Variants in WDR27 observed in about 807,000 individuals in gnomAD.
WDR27 encodes WD repeat domain 27.
Under a neutral mutation model 114.4 loss-of-function variants are expected in WDR27, and 100 were observed. That is an observed-to-expected ratio of 0.87 (90% CI 0.74 to 1.03). The LOEUF (loss-of-function observed/expected upper bound fraction) is 1.03. Among genes scored for constraint, WDR27 ranks in the 50% least tolerant of loss-of-function variants. The pLI, the probability that WDR27 is intolerant of heterozygous loss-of-function variation, is 0.00. For missense variants in WDR27, 1,129 were observed against 1,092.9 expected (o/e 1.03, Z -0.47); for synonymous variants, 449 against 423.1 (o/e 1.06, Z -0.75).
At chr6:169,637,476 T>C (rs549347199) in intron 18 of WDR27, among the ~76,000 whole-genome samples, 4 of 152,376 alleles carry the variant, frequency 2.6e-5, no homozygotes, top group African/African-American at 7.2e-5. Flanking sequence ...TGTGTGCCTA[T>C]TGCATGTGTA....
chr6:169,470,759 T>C (rs1162327330), intron 25 of WDR27, among the ~76,000 whole-genome samples: 1 of 152,180 alleles, frequency 6.6e-6, no homozygotes. Flanking sequence ...AAGCCCTATC[T>C]CCAAGTATAG....
intron 25 of WDR27, among the ~76,000 whole-genome samples, chr6:169,489,435 C>T (rs1281122914): frequency 2.0e-5 from 3 of 152,150 alleles, no homozygotes; most frequent in Non-Finnish European, 4.4e-5. Flanking sequence ...TGGGCAGCCA[C>T]GCCCATCGCC....
At chr6:169,451,511 T>C in the WDR27 span, among the ~76,000 whole-genome samples, 1 of 152,256 alleles carries the variant, frequency 6.6e-6, no homozygotes, top group Non-Finnish European at 1.5e-5. Flanking sequence ...AAGGTGTTTG[T>C]GGACATGTAT....
At chr6:169,688,518 A>G (rs1585175108) in intron 2 of WDR27, among the ~76,000 whole-genome samples, 1 of 152,294 alleles carries the variant, frequency 6.6e-6, no homozygotes, top group East Asian at 1.9e-4. Flanking sequence ...AGAAACGTCA[A>G]TCTAAACATT....
At chr6:169,519,757 C>T (rs1794133710) in intron 25 of WDR27, among the ~76,000 whole-genome samples, 1 of 152,056 alleles carries the variant, frequency 6.6e-6, no homozygotes, top group Non-Finnish European at 1.5e-5. Context: ...CAATATTATC[C>T]CCATCAACAT....
At chr6:169,583,500 TATATGTATATATAC>T (rs199509984) in intron 23 of WDR27, among the ~76,000 whole-genome samples, 3,003 of 30,752 alleles carry the variant, frequency 0.098, 96 homozygotes, top group African/African-American at 0.15. Context: ...TATATATATA[TATATGTATATATAC>T]ACACACACAC....
rs367555868 is a variant in WDR27, at chr6:169,490,560, G to T, written c.2646-32926C>A. 1.3e-4 allele frequency among the ~76,000 whole-genome samples: 20 copies of T among 152,290 alleles called. No homozygotes were observed. In the South Asian group the frequency reaches 2.5e-3, roughly 19 times the overall value. ...AACCTGCCAAGGTCCGATATCAGTT[G>T]CGGGTGGGGGCTAAATGCTTTGCCA... On this transcript the variant is annotated intron_variant, in intron 25 of 25. Transcript: ENST00000448612.
chr6:169,497,904 T>C (rs1265764156), intron 25 of WDR27, among the ~76,000 whole-genome samples: 1 of 152,064 alleles, frequency 6.6e-6, no homozygotes, highest in Non-Finnish European at 1.5e-5. Flanking sequence ...CTTCTGGATA[T>C]ATATATATGC....
At chr6:169,469,652 G>T (rs1033422741) in intron 25 of WDR27, among the ~76,000 whole-genome samples, 2 of 152,164 alleles carry the variant, frequency 1.3e-5, no homozygotes, top group Non-Finnish European at 1.5e-5. Flanking sequence ...TCATCTTCAG[G>T]ATCATTCCCT....
At chr6:169,685,564 A>G (rs1367240134) in intron 2 of WDR27, among the ~76,000 whole-genome samples, 1 of 152,188 alleles carries the variant, frequency 6.6e-6, no homozygotes, top group Non-Finnish European at 1.5e-5. Context: ...TAAAATTTAA[A>G]AACATAATTG....
At chr6:169,658,402 G>T in intron 12 of WDR27, 44 bp from the exon 13 acceptor site, 1 of 1,446,348 alleles carries the variant, frequency 6.9e-7, no homozygotes, top group South Asian at 1.2e-5. Context: ...CGCAAACGAC[G>T]ATACGATGGA....
chr6:169,444,200 T>G, the WDR27 span, among the ~76,000 whole-genome samples: 1 of 152,308 alleles, frequency 6.6e-6, no homozygotes, highest in African/African-American at 2.4e-5. Flanking sequence ...CCGCAAAAAC[T>G]TACGCGCTCC....
At position 169,662,323 on chromosome 6, in the gene WDR27, G is replaced by T; in HGVS notation, c.1006C>A (p.Pro336Thr). 1 of 1,613,784 alleles carries T rather than the reference G, an allele frequency of 6.2e-7. No homozygotes were observed. ...RLAPCDLSLIPNSACGCLSSE... is the reference protein window; with the variant it reads ...RLAPCDLSLITNSACGCLSSE... ...ACTTACCATCCACATGCAGAATTTG[G>T]GATGAGTGAGAGATCACAGGGTGCA... Residue 336 changes from proline to threonine, a missense_variant, in exon 9 of 26, where the codon CCA becomes ACA. Transcript: ENST00000448612.
chr6:169,698,048 T>C (rs1412765665), intron 1 of WDR27, among the ~76,000 whole-genome samples: 2 of 152,112 alleles, frequency 1.3e-5, no homozygotes, highest in African/African-American at 4.8e-5. Flanking sequence ...GACTCACTAG[T>C]ATGAAGAGTT....
chr6:169,643,646 A>T (rs1819738209), intron 17 of WDR27, 51 bp downstream of exon 17: 2 of 1,509,534 alleles, frequency 1.3e-6, no homozygotes, highest in East Asian at 2.3e-5. Flanking sequence ...CCAGGACCTA[A>T]GTGAGACCCA....
chr6:169,528,534 A>G (rs576483462), intron 25 of WDR27, among the ~76,000 whole-genome samples: 2 of 152,206 alleles, frequency 1.3e-5, no homozygotes, highest in East Asian at 3.9e-4. Flanking sequence ...AAAATAATAT[A>G]TACATTCTTT....
chr6:169,657,267 G>C (rs1824479738), intron 13 of WDR27, among the ~76,000 whole-genome samples: 1 of 152,228 alleles, frequency 6.6e-6, no homozygotes. Flanking sequence ...TGGCACAGAA[G>C]GTGTTCGAGG....
At chr6:169,441,275 A>C in the WDR27 span, among the ~76,000 whole-genome samples, 1 of 152,222 alleles carries the variant, frequency 6.6e-6, no homozygotes, top group Non-Finnish European at 1.5e-5. Flanking sequence ...GAGACCACCA[A>C]GACAGGTCCA....
At chr6:169,503,387 T>G (rs1013730589) in intron 25 of WDR27, among the ~76,000 whole-genome samples, 1 of 152,198 alleles carries the variant, frequency 6.6e-6, no homozygotes, top group Non-Finnish European at 1.5e-5. Flanking sequence ...ATAAATGTAT[T>G]GATACTCCAG....
Sources: gnomAD v4.1 joint callset for allele counts (sites outside exome capture counted in the v4.1 genomes callset) on GRCh38, gnomAD v4.1.1 for gene constraint, MANE v1.5 for transcripts, NCBI Gene and HGNC (gene_info 2026-07-23, HGNC 2026-07-21) for gene names.